R3HDM2: variants seen among roughly 807,000 people sequenced by gnomAD.
R3HDM2 encodes R3H domain-containing protein 2.
In R3HDM2, 38 loss-of-function variants were observed where a neutral mutation model predicts 124.5. The observed-to-expected ratio is 0.31, with a 90% CI of 0.24 to 0.40. The LOEUF is 0.40. R3HDM2 is among the 10% of genes least tolerant of loss of function. The pLI is 1.00. For synonymous variants in R3HDM2, 391 were observed against 448.0 expected (o/e 0.87, Z 1.61); for missense variants, 869 against 1,236.9 (o/e 0.70, Z 4.46).
chr12:57,394,927 A>C (rs1400478357), intron 2 of R3HDM2, among the ~76,000 whole-genome samples: 1 of 152,172 alleles, frequency 6.6e-6, no homozygotes, highest in Non-Finnish European at 1.5e-5. Context: ...AAAAATTATA[A>C]GGCTGGGCGC....
chr12:57,330,500 C>T (rs142038333), intron 2 of R3HDM2, among the ~76,000 whole-genome samples: 1,731 of 151,108 alleles, frequency 0.011, 29 homozygotes, highest in African/African-American at 0.039. Flanking sequence ...CGCACCACCA[C>T]GCCCAGCTAA....
chr12:57,263,237 C>T (rs192468674), intron 19 of R3HDM2, among the ~76,000 whole-genome samples: 7 of 152,226 alleles, frequency 4.6e-5, no homozygotes, highest in Admixed American at 3.9e-4. Context: ...AATGCACATA[C>T]AAGTATACCT....
chr12:57,394,583 A>G (rs542586918), intron 2 of R3HDM2, among the ~76,000 whole-genome samples: 33 of 152,338 alleles, frequency 2.2e-4, no homozygotes, highest in African/African-American at 7.7e-4. Flanking sequence ...CTACACTTCA[A>G]TAAAGGTCTT....
intron 10 of R3HDM2, among the ~76,000 whole-genome samples, chr12:57,294,953 A>T (rs1487634632): frequency 1.3e-5 from 2 of 152,242 alleles, no homozygotes; most frequent in Non-Finnish European, 2.9e-5. Context: ...TTAGATCACA[A>T]CTTTGCCAGT....
chr12:57,371,348 GA>G (rs2063359291), intron 2 of R3HDM2, among the ~76,000 whole-genome samples: 1 of 151,648 alleles, frequency 6.6e-6, no homozygotes, highest in African/African-American at 2.4e-5. Context: ...ACAGGATGCA[GA>G]AAAAAATAGA....
At chr12:57,431,084 GT>G (rs1165563324), upstream of R3HDM2, 3 of 152,230 alleles carry the variant, frequency 2.0e-5, no homozygotes, top group Admixed American at 6.5e-5. Flanking sequence ...CGTTCCGGCC[GT>G]CCCTGCTTCC....
rs745433632 is a variant in R3HDM2 at position 57,430,946 on chromosome 12, G to A, written c.-332C>T. The A allele has an allele frequency of 3.1e-5, 4 of 129,580 alleles. No homozygotes were observed. Among genetic ancestry groups the A allele is most frequent in the Non-Finnish European group, 6.4e-5 (4 of 62,080 alleles). 8.0% of individuals were successfully genotyped at this position (129,580 alleles called of 1,614,324 possible). On this transcript the variant is annotated 5_prime_UTR_variant, in exon 1 of 24. Transcript: ENST00000402412. ...GGGGGGAGAGGGGAAGAAAAGGGGG[G>A]AACCAAACCCGGAAAGGGAGAAAAG...
chr12:57,322,194 C>A (rs1160649112), intron 2 of R3HDM2, among the ~76,000 whole-genome samples: 1 of 152,164 alleles, frequency 6.6e-6, no homozygotes, highest in African/African-American at 2.4e-5. Context: ...CCAGCCTGGG[C>A]AACAGAGTGA....
chr12:57,279,130 G>A (rs7135142), intron 14 of R3HDM2, among the ~76,000 whole-genome samples: 67,379 of 150,928 alleles, frequency 0.45, 15,655 homozygotes, highest in South Asian at 0.53. Context: ...GTGTGAGAAG[G>A]GAGTAAGTGA....
chr12:57,384,776 A>T (rs988598220), intron 2 of R3HDM2, among the ~76,000 whole-genome samples: 1 of 152,236 alleles, frequency 6.6e-6, no homozygotes, highest in African/African-American at 2.4e-5. Flanking sequence ...TTTTAGAAAG[A>T]TTACTTTTTC....
intron 1 of R3HDM2, among the ~76,000 whole-genome samples, chr12:57,416,923 AACAT>A: frequency 6.6e-6 from 1 of 152,062 alleles, no homozygotes; most frequent in Non-Finnish European, 1.5e-5. Flanking sequence ...CAGCCTGGCC[AACAT>A]GGTGAAACCC....
chr12:57,417,118 A>G (rs2069706721), intron 1 of R3HDM2, among the ~76,000 whole-genome samples: 1 of 151,644 alleles, frequency 6.6e-6, no homozygotes, highest in South Asian at 2.1e-4. Context: ...ACTCTGTCTC[A>G]ACAACAACAA....
chr12:57,255,752 G>A lies in R3HDM2; in HGVS notation c.2632+238C>T, dbSNP rs138146875. On this transcript the variant is annotated intron_variant, in intron 23 of 23. Transcript: ENST00000402412. ...ATTAGAAAACTCTTTGTTAATAAGA[G>A]GCAACTCCCATAATTGTGTTATTCC... Among the ~76,000 whole-genome samples, 49 of 152,308 alleles carry A rather than the reference G, an allele frequency of 3.2e-4. No homozygotes were observed. In the East Asian group the frequency reaches 8.9e-3, roughly 28 times the overall value.
intron 5 of R3HDM2, 59 bp from the exon 6 acceptor site, chr12:57,299,537 C>T: frequency 6.8e-7 from 1 of 1,470,548 alleles, no homozygotes; most frequent in South Asian, 1.2e-5. Flanking sequence ...TTGCAGCTCC[C>T]TTGGAATCTC....
In R3HDM2 at chr12:57,268,356, C is replaced by T. The variant is rs756082640; in HGVS notation, c.1977G>A (p.Ala659=). Reference sequence around the variant, plus strand: ...TCATGCTATAGTACACTGGTACCCCCGCTGCTGGGAGGCCTCCTTGCACAG... The same window carrying T: ...TCATGCTATAGTACACTGGTACCCCTGCTGCTGGGAGGCCTCCTTGCACAG... ...SQSVQGGLPA[A]GVPVYYSMIP... The change falls in exon 18 of 24, where the codon GCG becomes GCA. Residue 659 remains alanine, a synonymous_variant. Transcript: ENST00000402412. 19 of 1,614,132 alleles carry T rather than the reference C, an allele frequency of 1.2e-5. No individual in the cohort carries two copies. Among genetic ancestry groups the T allele is most frequent in the East Asian group, 6.7e-5 (3 of 44,884 alleles).
chr12:57,354,481 A>C (rs2061034246), intron 2 of R3HDM2, among the ~76,000 whole-genome samples: 1 of 151,428 alleles, frequency 6.6e-6, no homozygotes, highest in Non-Finnish European at 1.5e-5. Flanking sequence ...TTTAGTAGAG[A>C]TGGGGTTTCA....
intron 14 of R3HDM2, among the ~76,000 whole-genome samples, chr12:57,278,947 G>A (rs2045492515): frequency 6.6e-6 from 1 of 152,038 alleles, no homozygotes; most frequent in African/African-American, 2.4e-5. Flanking sequence ...TACACCTAGG[G>A]AAGAAATATA....
chr12:57,265,549 A>AAAAG (rs2042130432), intron 19 of R3HDM2, among the ~76,000 whole-genome samples: 6 of 146,040 alleles, frequency 4.1e-5, no homozygotes, highest in African/African-American at 1.5e-4. Context: ...AAAAGAAAAG[A>AAAAG]AAAAGAAAAA....
intron 2 of R3HDM2, among the ~76,000 whole-genome samples, chr12:57,334,040 A>T (rs1267823070): frequency 1.3e-5 from 2 of 152,024 alleles, no homozygotes; most frequent in African/African-American, 4.8e-5. Flanking sequence ...CCGTCTCAAA[A>T]AAAAAAAAGA....
Sources: gnomAD v4.1 joint callset for allele counts (sites outside exome capture counted in the v4.1 genomes callset) on GRCh38, gnomAD v4.1.1 for gene constraint, MANE v1.5 for transcripts, NCBI Gene and HGNC (gene_info 2026-07-23, HGNC 2026-07-21) for gene names.